The following HS3ST2 variants were observed in gnomAD, a reference collection of about 807,000 sequenced individuals.
The protein encoded by HS3ST2 is heparan sulfate glucosamine 3-O-sulfotransferase 2.
In HS3ST2, 17 loss-of-function variants were observed where a neutral mutation model predicts 26.3. That is an observed-to-expected ratio of 0.65 (90% CI 0.44 to 0.97). The LOEUF (loss-of-function observed/expected upper bound fraction) is 0.97, where lower values mean the gene tolerates loss of function less well. HS3ST2 is among the 50% of genes least tolerant of loss of function. The probability of loss-of-function intolerance (pLI) is 0.00; values close to 1 mark genes in which losing one functional copy is unlikely to be tolerated. For missense variants in HS3ST2, 402 were observed against 501.2 expected (o/e 0.80, Z 1.89); for synonymous variants, 237 against 219.2 (o/e 1.08, Z -0.72).
At chr16:22,857,549 A>G (rs967249996) in intron 1 of HS3ST2, among the ~76,000 whole-genome samples, 6 of 152,246 alleles carry the variant, frequency 3.9e-5, no homozygotes, top group Non-Finnish European at 7.3e-5. Flanking sequence ...CTATGCAAAG[A>G]GCCTGACAAA....
chr16:22,899,009 C>G (rs982577823), intron 1 of HS3ST2, among the ~76,000 whole-genome samples: 5 of 152,194 alleles, frequency 3.3e-5, no homozygotes, highest in Admixed American at 2.0e-4. Context: ...CACTAGGGGG[C>G]GCTGCTATGC....
chr16:22,858,425 CT>C (rs914720704), intron 1 of HS3ST2, among the ~76,000 whole-genome samples: 3 of 151,358 alleles, frequency 2.0e-5, no homozygotes, highest in Non-Finnish European at 2.9e-5. Flanking sequence ...GTGAGTTGGG[CT>C]TTTTTCCAGA....
chr16:22,826,696 G>T (rs2141176674), intron 1 of HS3ST2, among the ~76,000 whole-genome samples: 1 of 152,176 alleles, frequency 6.6e-6, no homozygotes, highest in East Asian at 1.9e-4. Context: ...GGATGATTAG[G>T]AATTGATGAG....
intron 1 of HS3ST2, among the ~76,000 whole-genome samples, chr16:22,878,760 A>T (rs541885886): frequency 5.0e-4 from 76 of 152,320 alleles, no homozygotes; most frequent in African/African-American, 1.7e-3. Flanking sequence ...AGAGAGCAAC[A>T]TTTGAGTGCA....
intron 1 of HS3ST2, among the ~76,000 whole-genome samples, chr16:22,868,294 A>G (rs1046348952): frequency 1.3e-5 from 2 of 151,584 alleles, no homozygotes; most frequent in Non-Finnish European, 1.5e-5. Flanking sequence ...CCGTAGTCCC[A>G]GCTACCTGGG....
At chr16:22,851,733 T>A (rs9928000) in intron 1 of HS3ST2, among the ~76,000 whole-genome samples, 1 of 152,222 alleles carries the variant, frequency 6.6e-6, no homozygotes, top group Admixed American at 6.5e-5. Context: ...CCAATTGTCG[T>A]GTTGATGGCT....
At chr16:22,855,005 T>C (rs1377531665) in intron 1 of HS3ST2, among the ~76,000 whole-genome samples, 1 of 152,204 alleles carries the variant, frequency 6.6e-6, no homozygotes, top group Non-Finnish European at 1.5e-5. Context: ...TAATCTCTTT[T>C]CTTCTCAACT....
chr16:22,873,664 G>A lies in HS3ST2; in HGVS notation c.486-41280G>A, dbSNP rs150701417. Among the ~76,000 whole-genome samples, 1,473 of 152,316 alleles carry A rather than the reference G, an allele frequency of 9.7e-3. 11 individuals carry two copies. Among genetic ancestry groups the A allele is most frequent in the Non-Finnish European group, 0.014 (962 of 68,016 alleles). On this transcript the variant is annotated intron_variant, in intron 1 of 1. Transcript: ENST00000261374. ...GACAGAACAAAATCCATGTGTTTCA[G>A]TTTGCTTTTGTTGGGTAACAAACCA...
chr16:22,868,656 T>A (rs1175966623), intron 1 of HS3ST2, among the ~76,000 whole-genome samples: 2 of 152,098 alleles, frequency 1.3e-5, no homozygotes, highest in African/African-American at 4.8e-5. Flanking sequence ...TAAAGATAAA[T>A]TCATCCATGA....
chr16:22,912,658 C>T (rs943296417), intron 1 of HS3ST2, among the ~76,000 whole-genome samples: 4 of 151,914 alleles, frequency 2.6e-5, no homozygotes, highest in Non-Finnish European at 4.4e-5. Flanking sequence ...TCCAGTGTAG[C>T]AGCTCGGAGG....
chr16:22,837,024 T>C (rs978767813), intron 1 of HS3ST2, among the ~76,000 whole-genome samples: 1 of 152,142 alleles, frequency 6.6e-6, no homozygotes, highest in Non-Finnish European at 1.5e-5. Context: ...TCTATGTGTG[T>C]GTGGCAGAGA....
At chr16:22,905,661 T>C (rs562549582) in intron 1 of HS3ST2, among the ~76,000 whole-genome samples, 1 of 152,268 alleles carries the variant, frequency 6.6e-6, no homozygotes, top group African/African-American at 2.4e-5. Context: ...GTGTAGAGAA[T>C]ACAGCAGTGA....
At chr16:22,875,219 G>C (rs1468801751) in intron 1 of HS3ST2, among the ~76,000 whole-genome samples, 1 of 151,934 alleles carries the variant, frequency 6.6e-6, no homozygotes, top group Non-Finnish European at 1.5e-5. Context: ...AAAGTATTTT[G>C]TACAGCTGTA....
At chr16:22,891,227 C>G (rs1902123983) in intron 1 of HS3ST2, among the ~76,000 whole-genome samples, 2 of 152,190 alleles carry the variant, frequency 1.3e-5, no homozygotes, top group Non-Finnish European at 2.9e-5. Context: ...TCAGTTCTCC[C>G]TACAGCTTCA....
chr16:22,839,397 G>A (rs1901319798), intron 1 of HS3ST2, among the ~76,000 whole-genome samples: 1 of 152,182 alleles, frequency 6.6e-6, no homozygotes, highest in Non-Finnish European at 1.5e-5. Context: ...GTAGAACAAT[G>A]CTCCTTCCTG....
chr16:22,914,918 A>G, intron 1 of HS3ST2, 26 bp from the exon 2 acceptor site: 4 of 1,585,292 alleles, frequency 2.5e-6, no homozygotes, highest in Non-Finnish European at 3.4e-6. Flanking sequence ...AACCTATTTG[A>G]TGATGTATTC....
chr16:22,899,438 A>C (rs898145425), intron 1 of HS3ST2, among the ~76,000 whole-genome samples: 8 of 152,162 alleles, frequency 5.3e-5, no homozygotes, highest in African/African-American at 1.9e-4. Flanking sequence ...ACCTACTAAG[A>C]GTGGCAAGAA....
chr16:22,826,237 G>A (rs370343353), intron 1 of HS3ST2, among the ~76,000 whole-genome samples: 1 of 152,086 alleles, frequency 6.6e-6, no homozygotes, highest in African/African-American at 2.4e-5. Flanking sequence ...GTAGAGGAGG[G>A]GCCCCCACCC....
Position 22,814,919 on chromosome 16 carries a change from C to T in HS3ST2, c.309C>T (p.His103=), listed in dbSNP as rs1209915023. 1.3e-6 allele frequency: 2 copies of T among 1,599,130 alleles called. No homozygotes were observed. Among genetic ancestry groups the T allele is most frequent in the Admixed American group, 1.7e-5 (1 of 58,098 alleles). ...CCCCTCGCCTCTCCGGTTCCAACCA[C>T]TCCGGCTCACCCAAGCTGGGTACCA... ...VPAPRLSGSN[H]SGSPKLGTKR... is the part of the protein sequence containing the mutation. Residue 103 remains histidine, a synonymous_variant, in exon 1 of 2, where the codon CAC becomes CAT. Transcript: ENST00000261374.
Sources: allele counts gnomAD v4.1 joint callset (sites outside exome capture counted in the v4.1 genomes callset), GRCh38; gene constraint gnomAD v4.1.1; transcripts MANE v1.5; gene names NCBI Gene and HGNC (gene_info 2026-07-23, HGNC 2026-07-21).